Variants in SNRK observed in about 807,000 individuals in gnomAD.
SNRK encodes the protein SNF-related serine/threonine-protein kinase.
Under a neutral mutation model 48.2 loss-of-function variants are expected in SNRK, and 3 were observed. The observed-to-expected ratio is 0.06, with a 90% CI of 0.03 to 0.16. The LOEUF is 0.16. Among genes scored for constraint, SNRK ranks in the 10% least tolerant of loss-of-function variants. The probability of loss-of-function intolerance (pLI) is 1.00; values close to 1 mark genes in which losing one functional copy is unlikely to be tolerated. For missense variants in SNRK, 627 were observed against 976.0 expected (o/e 0.64, Z 4.76); for synonymous variants, 376 against 366.1 (o/e 1.03, Z -0.31).
intron 3 of SNRK, among the ~76,000 whole-genome samples, chr3:43,304,551 T>C (rs2090922493): frequency 6.6e-6 from 1 of 152,222 alleles, no homozygotes; most frequent in South Asian, 2.1e-4. Flanking sequence ...GTGTCAACTT[T>C]GTCTCCTTGG....
chr3:43,323,095 G>T (rs182907525), intron 3 of SNRK, among the ~76,000 whole-genome samples: 98 of 152,052 alleles, frequency 6.4e-4, no homozygotes, highest in African/African-American at 2.3e-3. Flanking sequence ...AGAAATGGCC[G>T]TTTTTTTCAG....
chr3:43,301,572 C>T (rs2090897914), intron 2 of SNRK, among the ~76,000 whole-genome samples: 1 of 151,928 alleles, frequency 6.6e-6, no homozygotes, highest in Non-Finnish European at 1.5e-5. Flanking sequence ...TCAAGACCAG[C>T]CTGAGCAACA....
At chr3:43,317,790 C>T (rs536665412) in intron 3 of SNRK, among the ~76,000 whole-genome samples, 60 of 152,298 alleles carry the variant, frequency 3.9e-4, no homozygotes, top group Non-Finnish European at 7.2e-4. Context: ...GCTTCTTCTC[C>T]AGAGGTGTAG....
chr3:43,348,623 G>A lies in SNRK; in HGVS notation c.*66G>A. Reference sequence around the variant, plus strand: ...GCAGTGAAGACCGGCTCACTTCACTGTTCCATTTGGTTTTACTATTTTAAA... The same window carrying A: ...GCAGTGAAGACCGGCTCACTTCACTATTCCATTTGGTTTTACTATTTTAAA... On this transcript the variant is annotated 3_prime_UTR_variant, in exon 7 of 7. Coordinates refer to ENST00000296088, the MANE Select transcript of SNRK (RefSeq NM_017719.5). 1 of 1,416,340 alleles carries A rather than the reference G, an allele frequency of 7.1e-7. No individual in the cohort carries two copies. Among genetic ancestry groups the A allele is most frequent in the African/African-American group, 1.4e-5 (1 of 69,278 alleles). The allele number at this position is 1,416,340 out of a possible 1,614,324, so 87.7% of individuals were successfully genotyped here.
rs192270763 is a variant in SNRK, at chr3:43,331,378, T to C, written c.590-791T>C. 1.4e-4 allele frequency among the ~76,000 whole-genome samples: 22 copies of C among 152,356 alleles called. No homozygotes were observed. The East Asian group carries it at 3.9e-3, about 27-fold the overall frequency. ...AAAGAGGTAAGGAGTTGTTTGTTAC[T>C]GTCAGAGTTCGTCTAATGCTAGAGT... On this transcript the variant is annotated intron_variant, in intron 3 of 6. Coordinates refer to ENST00000296088, the MANE Select transcript of SNRK (RefSeq NM_017719.5).
chr3:43,343,048 C>CTTA (rs35861772), intron 5 of SNRK, among the ~76,000 whole-genome samples: 145,457 of 152,220 alleles, frequency 0.96, 69,830 homozygotes, highest in East Asian at 1. Context: ...AATGCGTGCA[C>CTTA]TTATCTTATG....
Position 43,347,688 on chromosome 3 carries a change from C to A in SNRK, c.1429C>A (p.Leu477Met). 1.2e-6 allele frequency: 2 copies of A among 1,613,882 alleles called. No individual in the cohort carries two copies. The highest frequency in any genetic ancestry group is 1.7e-6 in the Non-Finnish European group (2 of 1,180,038). ...CCGGAAGCCATCTGTAACCAACCGC[C>A]TGACATCCAGGAAGAGTGCGCCCGT... Reference protein sequence around the residue: ...LRRKPSVTNRLTSRKSAPVLN... With the variant: ...LRRKPSVTNRMTSRKSAPVLN... Residue 477 changes from leucine (L) to methionine (M), a missense_variant, in exon 7 of 7, where the codon CTG becomes ATG. Physicochemically the swap from Leu to Met is conservative, Grantham distance 15. This residue lies in a region of SNRK where 98 missense variants were observed against 175.2 expected (regional missense o/e 0.56). Coordinates refer to ENST00000296088, the MANE Select transcript of SNRK (RefSeq NM_017719.5). This position sits in a 1 kb window ranked among gnomAD's most constrained non-coding sequence, Gnocchi z 5.4.
intron 4 of SNRK, among the ~76,000 whole-genome samples, chr3:43,333,886 A>G (rs1166457505): frequency 3.3e-5 from 5 of 152,012 alleles, no homozygotes; most frequent in African/African-American, 1.2e-4. Context: ...AGTGGCTCAC[A>G]CCTGTAATCC....
chr3:43,320,245 A>G (rs945963065), intron 3 of SNRK, among the ~76,000 whole-genome samples: 1 of 152,322 alleles, frequency 6.6e-6, no homozygotes, highest in South Asian at 2.1e-4. Flanking sequence ...TCCAAAGGAA[A>G]CATCAAGTCA....
chr3:43,290,958 A>G (rs2090807339), intron 1 of SNRK, among the ~76,000 whole-genome samples: 1 of 152,192 alleles, frequency 6.6e-6, no homozygotes, highest in African/African-American at 2.4e-5. Flanking sequence ...ATATGACCTC[A>G]CATTTGTGAT....
At chr3:43,307,353 T>C (rs2090945552) in intron 3 of SNRK, among the ~76,000 whole-genome samples, 1 of 152,216 alleles carries the variant, frequency 6.6e-6, no homozygotes, top group African/African-American at 2.4e-5. Context: ...CTCATTTTAT[T>C]GTGCATAACT....
Position 43,348,191 on chromosome 3 carries a change from T to C in SNRK, c.1932T>C (p.Val644=), listed in dbSNP as rs553486889. 6.2e-5 allele frequency: 99 copies of C among 1,601,922 alleles called. No individual in the cohort carries two copies. In the South Asian group the frequency reaches 1.1e-3, roughly 17 times the overall value. The change falls in exon 7 of 7, where the codon GTT becomes GTC. Residue 644 remains valine, a synonymous_variant. Coordinates refer to ENST00000296088, the MANE Select transcript of SNRK (RefSeq NM_017719.5). ...CCTCTCGCAGTGCTGGGGAGCTCGT[T>C]GAGAGCCTCAAACTCATGAGCCTCT... ...QLASRSAGEL[V]ESLKLMSLCL...
Position 43,303,397 on chromosome 3 carries a change from G to C in SNRK, c.194G>C (p.Arg65Thr). 1 of 1,614,116 alleles carries C rather than the reference G, an allele frequency of 6.2e-7. No homozygotes were observed. Among genetic ancestry groups the C allele is most frequent in the Non-Finnish European group, 8.5e-7 (1 of 1,180,018 alleles). Residue 65 changes from arginine to threonine, a missense_variant, in exon 3 of 7, where the codon AGA (arginine) becomes ACA (threonine). Arg to Thr is a moderately conservative substitution (Grantham distance 71). Around this residue, in one of 4 missense-constraint regions of SNRK, gnomAD observed 147 missense variants for 356.8 expected, o/e 0.41. Transcript: ENST00000296088. This position sits in a 1 kb window ranked among gnomAD's most constrained non-coding sequence, Gnocchi z 6.2. ...ACTGGTCATCTTTTCCAGGAAGTGA[G>C]ATGCATGAAACTAGTGCAGCATCCT... The part of the protein sequence containing the change: ...LATGHLFQEV[R>T]CMKLVQHPNI...
intron 3 of SNRK, among the ~76,000 whole-genome samples, chr3:43,311,180 A>G (rs943162834): frequency 3.9e-5 from 6 of 152,192 alleles, no homozygotes; most frequent in Non-Finnish European, 5.9e-5. Flanking sequence ...GATAAAGACA[A>G]TCTACAGAAA....
chr3:43,346,022 C>T (rs2091272850), intron 6 of SNRK, among the ~76,000 whole-genome samples: 1 of 152,096 alleles, frequency 6.6e-6, no homozygotes, highest in African/African-American at 2.4e-5. Context: ...TCCAGCCTGC[C>T]CTGTAGAGCC....
At chr3:43,302,928 T>G (rs965840250) in intron 2 of SNRK, among the ~76,000 whole-genome samples, 170 bp from the exon 3 acceptor site, 3 of 152,106 alleles carry the variant, frequency 2.0e-5, no homozygotes, top group Admixed American at 1.3e-4. Context: ...CTTTGTAATA[T>G]AAAGTCTAAA....
At chr3:43,307,031 A>G (rs1451383852) in intron 3 of SNRK, among the ~76,000 whole-genome samples, 2 of 152,168 alleles carry the variant, frequency 1.3e-5, no homozygotes, top group African/African-American at 4.8e-5. Flanking sequence ...GAGTTTTTAT[A>G]CATACTTAAG....
chr3:43,310,069 C>T (rs2090968277), intron 3 of SNRK, among the ~76,000 whole-genome samples: 2 of 152,040 alleles, frequency 1.3e-5, no homozygotes, highest in African/African-American at 4.8e-5. Flanking sequence ...TTGCAACATT[C>T]GCTTTATTTC....
At chr3:43,324,963 A>G (rs1295670428) in intron 3 of SNRK, among the ~76,000 whole-genome samples, 1 of 152,228 alleles carries the variant, frequency 6.6e-6, no homozygotes, top group Non-Finnish European at 1.5e-5. Flanking sequence ...ATCTTCTGTT[A>G]AAGAACATAC....
Sources: allele counts gnomAD v4.1 joint callset (sites outside exome capture counted in the v4.1 genomes callset), GRCh38; gene constraint gnomAD v4.1.1; regional missense constraint gnomAD v4.1.1; non-coding constraint Gnocchi (gnomAD v3.1); transcripts MANE v1.5; gene names NCBI Gene and HGNC (gene_info 2026-07-23, HGNC 2026-07-21).